Variants in LRGUK observed in about 807,000 individuals in gnomAD.
LRGUK encodes the protein leucine rich repeats and guanylate kinase domain containing.
LRGUK carries 65 observed loss-of-function variants against 76.0 expected under a neutral mutation model. The observed-to-expected ratio is 0.85, with a 90% CI of 0.70 to 1.05. LRGUK has a LOEUF of 1.05. Among genes scored for constraint, LRGUK ranks in the 50% least tolerant of loss-of-function variants. LRGUK has a pLI of 0.00. For missense variants in LRGUK, 758 were observed against 732.8 expected (o/e 1.03, Z -0.40); for synonymous variants, 268 against 265.6 (o/e 1.01, Z -0.09).
downstream of LRGUK, among the ~76,000 whole-genome samples, chr7:134,214,146 G>T (rs2117136981): frequency 6.6e-6 from 1 of 151,566 alleles, no homozygotes; most frequent in Middle Eastern, 3.4e-3. Flanking sequence ...GAAATTCACA[G>T]AAGAGGAAAT....
At chr7:134,222,340 C>G (rs963988851) in intron 16 of LRGUK, among the ~76,000 whole-genome samples, 11 of 152,330 alleles carry the variant, frequency 7.2e-5, no homozygotes, top group Non-Finnish European at 1.6e-4. Context: ...ACTTCTTAAA[C>G]CAGTCGCATC....
chr7:134,135,474 A>C (rs557088810), intron 1 of LRGUK, among the ~76,000 whole-genome samples: 146 of 152,354 alleles, frequency 9.6e-4, no homozygotes, highest in Middle Eastern at 6.8e-3. Context: ...CCTTCAGCTC[A>C]AAATAATCAA....
chr7:134,199,354 C>T (rs1439570513), exon 14 of LRGUK: 1 of 1,613,774 alleles, frequency 6.2e-7, no homozygotes, highest in Non-Finnish European at 8.5e-7. Context: ...TTGCTGTCTC[C>T]AGAGTGGACC....
chr7:134,131,966 A>G (rs1328633832), intron 1 of LRGUK, among the ~76,000 whole-genome samples: 2 of 152,178 alleles, frequency 1.3e-5, no homozygotes, highest in East Asian at 1.9e-4. Context: ...TGGTAGGCAG[A>G]TGAAGAAGCA....
rs748602687 is a variant in LRGUK at position 134,248,934 on chromosome 7, TA to T, written c.2073-14del. 47 of 1,428,220 alleles carry T rather than the reference TA, an allele frequency of 3.3e-5. No individual in the cohort carries two copies. The highest frequency in any genetic ancestry group is 1.1e-4 in the South Asian group (7 of 61,860). The allele number at this position is 1,428,220 out of a possible 1,614,324, so 88.5% of individuals were successfully genotyped here. Reference sequence around the variant, plus strand: ...AAATCCTTTGGTTTTTTTTTTTTTTTAAATTTCCCATTCCAGGGGTCCAGTA... The same window carrying T: ...AAATCCTTTGGTTTTTTTTTTTTTTTAATTTCCCATTCCAGGGGTCCAGTA... On this transcript the variant is annotated splice_polypyrimidine_tract_variant and intron_variant, in intron 17 of 19. Transcript: ENST00000285928.
chr7:134,252,566 C>G (rs1802477847), intron 18 of LRGUK, among the ~76,000 whole-genome samples: 1 of 152,150 alleles, frequency 6.6e-6, no homozygotes, highest in Non-Finnish European at 1.5e-5. Flanking sequence ...AGAGAGAGTG[C>G]CCCATCCCAG....
chr7:134,252,133 G>A (rs919708775), intron 18 of LRGUK, among the ~76,000 whole-genome samples: 2 of 151,650 alleles, frequency 1.3e-5, no homozygotes, highest in African/African-American at 4.9e-5. Flanking sequence ...GAGCCCAGGA[G>A]TTCAAGACCA....
At chr7:134,252,703 G>A (rs1802479879) in intron 18 of LRGUK, among the ~76,000 whole-genome samples, 1 of 152,196 alleles carries the variant, frequency 6.6e-6, no homozygotes, top group Admixed American at 6.5e-5. Context: ...GCTGGGTTTG[G>A]ATTCCCAAGT....
intron 18 of LRGUK, among the ~76,000 whole-genome samples, chr7:134,252,974 T>G (rs1802484597): frequency 6.6e-6 from 1 of 152,196 alleles, no homozygotes; most frequent in South Asian, 2.1e-4. Flanking sequence ...CATAGATGCC[T>G]TCATTTAAAT....
At chr7:134,142,198 C>G (rs1417520181) in intron 3 of LRGUK, among the ~76,000 whole-genome samples, 3 of 152,040 alleles carry the variant, frequency 2.0e-5, no homozygotes, top group Non-Finnish European at 4.4e-5. Context: ...GAATCTAGAA[C>G]GAGGAGAGAG....
chr7:134,161,488 CT>C (rs1798730211), intron 6 of LRGUK, among the ~76,000 whole-genome samples: 1 of 151,798 alleles, frequency 6.6e-6, no homozygotes, highest in South Asian at 2.1e-4. Context: ...CCCTTGTGTG[CT>C]ATCACTTAGC....
At chr7:134,198,983 G>A (rs1045759312) in intron 13 of LRGUK, among the ~76,000 whole-genome samples, 1 of 152,102 alleles carries the variant, frequency 6.6e-6, no homozygotes, top group Admixed American at 6.5e-5. Flanking sequence ...TTAATTAAAG[G>A]AAAGCCAGGT....
At chr7:134,213,217 C>A (rs574531028), downstream of LRGUK, among the ~76,000 whole-genome samples, 1 of 152,200 alleles carries the variant, frequency 6.6e-6, no homozygotes, top group Non-Finnish European at 1.5e-5. Context: ...TGATCTTTAA[C>A]AATGGGGAGC....
chr7:134,146,099 C>A (rs1797958358), intron 4 of LRGUK, among the ~76,000 whole-genome samples: 1 of 152,156 alleles, frequency 6.6e-6, no homozygotes, highest in Admixed American at 6.5e-5. Flanking sequence ...CATGGTGAAA[C>A]CCTGCCTCAA....
At chr7:134,231,576 C>T (rs561957904) in intron 16 of LRGUK, among the ~76,000 whole-genome samples, 4 of 98,030 alleles carry the variant, frequency 4.1e-5, no homozygotes, top group Non-Finnish European at 2.0e-5. Flanking sequence ...TCCTTCCTCC[C>T]GTTCTCCCTC....
chr7:134,166,606 A>G (rs1398974954), intron 7 of LRGUK, among the ~76,000 whole-genome samples: 1 of 152,172 alleles, frequency 6.6e-6, no homozygotes, highest in Admixed American at 6.5e-5. Flanking sequence ...CATGGAGAGA[A>G]CTTGAATCCT....
chr7:134,161,688 C>CTTTTT (rs57550981), intron 6 of LRGUK, among the ~76,000 whole-genome samples: 2 of 105,460 alleles, frequency 1.9e-5, no homozygotes, highest in Non-Finnish European at 3.8e-5. Context: ...TATTGTTATT[C>CTTTTT]TTTTTTTTTT....
In LRGUK at chr7:134,247,405, T is replaced by G; in HGVS notation, c.1984-151T>G. 3 of 509,720 alleles carry G rather than the reference T, an allele frequency of 5.9e-6. No individual in the cohort carries two copies. In the Middle Eastern group the frequency reaches 1.1e-3, roughly 184 times the overall value. 31.6% of individuals were successfully genotyped at this position (509,720 alleles called of 1,614,324 possible). On this transcript the variant is annotated intron_variant, in intron 16 of 19. Transcript: ENST00000285928. ...ATAAAGTTGGTTCTTTTCTTTTTCC[T>G]GAGTGAATATCAATTGTTTTTTATG...
chr7:134,159,957 A>G (rs1270769710), intron 6 of LRGUK, among the ~76,000 whole-genome samples: 2 of 152,248 alleles, frequency 1.3e-5, no homozygotes, highest in African/African-American at 4.8e-5. Flanking sequence ...GCAAAACATA[A>G]ATGAAAATGC....
Sources: gnomAD v4.1 joint callset for allele counts (sites outside exome capture counted in the v4.1 genomes callset) on GRCh38, gnomAD v4.1.1 for gene constraint, MANE v1.5 for transcripts, NCBI Gene and HGNC (gene_info 2026-07-23, HGNC 2026-07-21) for gene names.